The following SGCZ variants were observed in gnomAD, a reference collection of about 807,000 sequenced individuals.
SGCZ encodes the protein zeta-sarcoglycan.
In SGCZ, 40 loss-of-function variants were observed where a neutral mutation model predicts 41.3. The observed-to-expected ratio is 0.97, with a 90% CI of 0.75 to 1.26. The LOEUF (loss-of-function observed/expected upper bound fraction) is 1.26, where lower values mean the gene tolerates loss of function less well. Among genes scored for constraint, SGCZ ranks in the 50% most tolerant of loss-of-function variants. SGCZ has a pLI of 0.00. For synonymous variants in SGCZ, 206 were observed against 137.5 expected (o/e 1.50, Z -3.49); for missense variants, 552 against 369.8 (o/e 1.49, Z -4.04).
At chr8:14,096,075 C>T (rs753766406) in intron 7 of SGCZ, among the ~76,000 whole-genome samples, 3 of 152,082 alleles carry the variant, frequency 2.0e-5, no homozygotes, top group Non-Finnish European at 4.4e-5. Flanking sequence ...TTCCTGTATT[C>T]TTAATTGAAA....
chr8:14,597,405 AT>A lies in SGCZ; in HGVS notation c.40-42480del, dbSNP rs1362107170. ...AAAACATAAGATAATTTATAAATAG[AT>A]TATTATAGACACAAGTCTCTTTTCA... On this transcript the variant is annotated intron_variant, in intron 1 of 7. Transcript: ENST00000382080. Among the ~76,000 whole-genome samples, 12 of 152,328 alleles carry A rather than the reference AT, an allele frequency of 7.9e-5. No homozygotes were observed. In the East Asian group the frequency reaches 2.3e-3, roughly 29 times the overall value.
chr8:14,327,222 G>A (rs1802153192), intron 2 of SGCZ, among the ~76,000 whole-genome samples: 1 of 152,164 alleles, frequency 6.6e-6, no homozygotes, highest in East Asian at 1.9e-4. Flanking sequence ...TTGAAGTTCA[G>A]AGCATTTTCA....
At chr8:15,103,400 C>CTAAATAGA in intron 1 of SGCZ, among the ~76,000 whole-genome samples, 1 of 143,360 alleles carries the variant, frequency 7.0e-6, no homozygotes, top group Non-Finnish European at 1.5e-5. Flanking sequence ...GACCCTGTCT[C>CTAAATAGA]TAAATAAATA....
chr8:14,959,863 A>G (rs557090763), intron 1 of SGCZ, among the ~76,000 whole-genome samples: 2 of 152,204 alleles, frequency 1.3e-5, no homozygotes, highest in Non-Finnish European at 2.9e-5. Flanking sequence ...AGGACAACAT[A>G]CAGGGAGCAG....
At chr8:15,111,032 G>A (rs560801532) in intron 1 of SGCZ, among the ~76,000 whole-genome samples, 7 of 152,168 alleles carry the variant, frequency 4.6e-5, no homozygotes, top group Non-Finnish European at 1.0e-4. Context: ...AATGAGTCCT[G>A]CTGAGGCAGG....
At chr8:15,221,071 G>C (rs1382967729) in intron 1 of SGCZ, among the ~76,000 whole-genome samples, 2 of 152,036 alleles carry the variant, frequency 1.3e-5, no homozygotes, top group Admixed American at 6.6e-5. Flanking sequence ...TAAAGGACAA[G>C]TTAATGGGTT....
intron 1 of SGCZ, among the ~76,000 whole-genome samples, chr8:15,175,541 G>T (rs1799970874): frequency 6.6e-6 from 1 of 152,036 alleles, no homozygotes; most frequent in Non-Finnish European, 1.5e-5. Context: ...GTTGGAGGAT[G>T]GAGGGTAGGA....
intron 1 of SGCZ, among the ~76,000 whole-genome samples, chr8:15,064,740 G>T (rs1322205435): frequency 3.3e-5 from 5 of 152,020 alleles, no homozygotes; most frequent in African/African-American, 1.2e-4. Flanking sequence ...CCCCTAGTTT[G>T]GGGGGATCAG....
chr8:14,460,780 A>C (rs138462965), intron 2 of SGCZ, among the ~76,000 whole-genome samples: 28 of 152,314 alleles, frequency 1.8e-4, no homozygotes, highest in African/African-American at 6.5e-4. Flanking sequence ...GCTAATTGTC[A>C]GATGCTAAAG....
chr8:14,796,110 T>A (rs899740771), intron 1 of SGCZ, among the ~76,000 whole-genome samples: 2 of 152,240 alleles, frequency 1.3e-5, no homozygotes, highest in African/African-American at 2.4e-5. Context: ...GTCTTTGCTA[T>A]TGTGAATAGT....
At chr8:15,089,359 T>C (rs924859835) in intron 1 of SGCZ, among the ~76,000 whole-genome samples, 6 of 152,168 alleles carry the variant, frequency 3.9e-5, no homozygotes, top group African/African-American at 1.4e-4. Context: ...CCTGTCTGAC[T>C]GGGACATGGA....
At chr8:14,543,426 T>G (rs1216460528) in intron 2 of SGCZ, among the ~76,000 whole-genome samples, 1 of 146,678 alleles carries the variant, frequency 6.8e-6, no homozygotes, top group Non-Finnish European at 1.5e-5. Context: ...AAAATCATTA[T>G]TACATGATTG....
intron 1 of SGCZ, among the ~76,000 whole-genome samples, chr8:15,147,144 A>G (rs1160335710): frequency 1.3e-5 from 2 of 152,198 alleles, no homozygotes; most frequent in Admixed American, 6.5e-5. Flanking sequence ...TGATATTAAT[A>G]CTGCTGGTAG....
intron 1 of SGCZ, among the ~76,000 whole-genome samples, chr8:14,630,586 G>A (rs180785241): frequency 3.4e-4 from 51 of 151,824 alleles, no homozygotes; most frequent in Admixed American, 2.0e-4. Flanking sequence ...TGTTTATTGC[G>A]GCACTATTCA....
intron 3 of SGCZ, among the ~76,000 whole-genome samples, chr8:14,281,468 T>G (rs111577881): frequency 2.6e-5 from 1 of 39,072 alleles, no homozygotes; most frequent in Non-Finnish European, 1.3e-4. Flanking sequence ...TTTTATATCA[T>G]AGAACTTTGA....
chr8:14,719,900 T>C (rs1809823764), intron 1 of SGCZ, among the ~76,000 whole-genome samples: 2 of 152,034 alleles, frequency 1.3e-5, no homozygotes, highest in Non-Finnish European at 2.9e-5. Flanking sequence ...TGCCATTGCT[T>C]TTGGTGTTTT....
At chr8:14,203,067 T>C (rs530312371) in intron 4 of SGCZ, among the ~76,000 whole-genome samples, 1 of 152,172 alleles carries the variant, frequency 6.6e-6, no homozygotes. Context: ...AAGATGTGAC[T>C]TGCTTCTCCT....
At position 14,324,129 on chromosome 8, in the gene SGCZ, A is replaced by T; in HGVS notation, c.310T>A (p.Tyr104Asn). The part of the protein sequence containing the change: ...EGISEFLLPL[Y>N]VKEIHSRKDS... Reference sequence around the variant, plus strand: ...TTTCGAGAATGAATTTCTTTCACATACAATGGAAGTAGAAACTCAGATATA... The same window carrying T: ...TTTCGAGAATGAATTTCTTTCACATTCAATGGAAGTAGAAACTCAGATATA... The change falls in exon 3 of 8, where the codon TAT becomes AAT. Residue 104 changes from tyrosine (Y) to asparagine (N), a missense_variant. Transcript: ENST00000382080. The T allele has an allele frequency of 1.9e-6, 3 of 1,612,612 alleles. No individual in the cohort carries two copies. Among genetic ancestry groups the T allele is most frequent in the Non-Finnish European group, 2.5e-6 (3 of 1,179,166 alleles).
At chr8:14,116,181 T>A (rs1476534138) in intron 5 of SGCZ, among the ~76,000 whole-genome samples, 1 of 152,144 alleles carries the variant, frequency 6.6e-6, no homozygotes, top group Non-Finnish European at 1.5e-5. Context: ...CTGAAACTTC[T>A]ACAAATATTT....
Sources: gnomAD v4.1 joint callset for allele counts (sites outside exome capture counted in the v4.1 genomes callset) on GRCh38, gnomAD v4.1.1 for gene constraint, MANE v1.5 for transcripts, NCBI Gene and HGNC (gene_info 2026-07-23, HGNC 2026-07-21) for gene names.